Variants in MICAL3 observed in about 807,000 individuals in gnomAD.
MICAL3 encodes microtubule associated monooxygenase, calponin and LIM domain containing 3, also known as [F-actin]-monooxygenase MICAL3.
MICAL3 carries 62 observed loss-of-function variants against 207.4 expected under a neutral mutation model. The ratio of observed to expected loss-of-function variants is 0.30; its 90% CI spans 0.24 to 0.37. MICAL3 has a LOEUF of 0.37. Among genes scored for constraint, MICAL3 ranks in the 10% least tolerant of loss-of-function variants. MICAL3 has a pLI of 1.00. For missense variants in MICAL3, 2,368 were observed against 2,635.6 expected (o/e 0.90, Z 2.22); for synonymous variants, 1,077 against 1,069.3 (o/e 1.01, Z -0.14).
chr22:17,931,433 T>C, intron 1 of MICAL3, among the ~76,000 whole-genome samples: 1 of 152,216 alleles, frequency 6.6e-6, no homozygotes, highest in East Asian at 1.9e-4. Flanking sequence ...ACACCACTGC[T>C]TGGCATCAGA....
At chr22:17,952,643 T>A (rs749028205) in intron 1 of MICAL3, among the ~76,000 whole-genome samples, 4 of 152,200 alleles carry the variant, frequency 2.6e-5, no homozygotes, top group Non-Finnish European at 4.4e-5. Context: ...TCATAAGCCA[T>A]CTGAGCTCCC....
At chr22:17,981,677 G>A (rs1935914873) in intron 1 of MICAL3, among the ~76,000 whole-genome samples, 1 of 152,184 alleles carries the variant, frequency 6.6e-6, no homozygotes, top group South Asian at 2.1e-4. Flanking sequence ...CGCATGCACA[G>A]CACTACCTGG....
rs558669151 is a variant in MICAL3 at position 17,957,990 on chromosome 22, C to T, written c.-74-51104G>A. Among the ~76,000 whole-genome samples the T allele has an allele frequency of 8.5e-4, 130 of 152,180 alleles. 1 individual carries two copies. Among genetic ancestry groups the T allele is most frequent in the African/African-American group, 3.0e-3 (126 of 41,528 alleles). ...TGGAGTTAGACCAAGGAAGATTCAT[C>T]CCAAAAAACCTAAAAATTCCACATT... On this transcript the variant is annotated intron_variant, in intron 1 of 31. Coordinates refer to ENST00000441493, the MANE Select transcript of MICAL3 (RefSeq NM_015241.3).
chr22:17,941,657 G>A (rs1933812416), intron 1 of MICAL3, among the ~76,000 whole-genome samples: 1 of 152,242 alleles, frequency 6.6e-6, no homozygotes, highest in African/African-American at 2.4e-5. Context: ...TGGGATACAG[G>A]AACTGAGAAG....
intron 19 of MICAL3, among the ~76,000 whole-genome samples, chr22:17,849,900 C>T (rs1925110714): frequency 6.6e-6 from 1 of 151,716 alleles, no homozygotes; most frequent in South Asian, 2.1e-4. Context: ...ACTATGTTGG[C>T]CAGGCTGGTC....
chr22:17,820,856 G>A (rs1024534586), intron 25 of MICAL3, among the ~76,000 whole-genome samples: 26 of 126,838 alleles, frequency 2.0e-4, no homozygotes, highest in African/African-American at 7.5e-4. Context: ...AAATAAATTT[G>A]TTCTAATAAA....
chr22:17,826,350 G>T, intron 22 of MICAL3: 1 of 605,394 alleles, frequency 1.7e-6, no homozygotes, highest in Non-Finnish European at 2.1e-6. Context: ...TGCCGCCCTG[G>T]CATGCACTTG....
chr22:17,967,463 AACAC>A lies in MICAL3; in HGVS notation c.-75+56814_-75+56817del, dbSNP rs71184751. 1.6e-3 allele frequency among the ~76,000 whole-genome samples: 198 copies of A among 126,134 alleles called. 1 individual carries two copies. The highest frequency in any genetic ancestry group is 2.4e-3 in the Non-Finnish European group (135 of 56,944). 82.7% of individuals were successfully genotyped at this position (126,134 alleles called of 152,430 possible). A position where few individuals can be genotyped will look rare whatever the true frequency, so the allele number is the denominator to read the frequency against. On this transcript the variant is annotated intron_variant, in intron 1 of 31. Transcript: ENST00000441493. ...TTGGCCACTGGGCAGTGTACATGCA[AACAC>A]ACACACACACACACACACACACACA...
intron 12 of MICAL3, among the ~76,000 whole-genome samples, chr22:17,889,607 G>C (rs1930228863): frequency 6.6e-6 from 1 of 152,096 alleles, no homozygotes; most frequent in Admixed American, 6.5e-5. Flanking sequence ...CAGGAGAATT[G>C]CTTGAGCCCA....
At chr22:17,893,309 G>A (rs1366344832) in intron 11 of MICAL3, among the ~76,000 whole-genome samples, 2 of 152,124 alleles carry the variant, frequency 1.3e-5, no homozygotes, top group Non-Finnish European at 2.9e-5. Flanking sequence ...CTGACCAGGT[G>A]TACTCATGTC....
intron 1 of MICAL3, among the ~76,000 whole-genome samples, chr22:18,016,723 G>A (rs1415053252): frequency 1.8e-4 from 28 of 152,198 alleles, no homozygotes; most frequent in South Asian, 8.3e-4. Context: ...GGCGGATCAC[G>A]AGGTCAGGAG....
chr22:17,863,523 C>T, intron 19 of MICAL3: 6 of 985,386 alleles, frequency 6.1e-6, no homozygotes, highest in Non-Finnish European at 7.2e-6. Context: ...TAAAGATCTT[C>T]AAGATTGTAG....
At position 17,887,179 on chromosome 22, in the gene MICAL3, T is replaced by C. The variant is rs375324053; in HGVS notation, c.2058A>G (p.Gln686=). 327 of 1,613,472 alleles carry C rather than the reference T, an allele frequency of 2.0e-4. No individual in the cohort carries two copies. Among genetic ancestry groups the C allele is most frequent in the Non-Finnish European group, 2.6e-4 (312 of 1,179,658 alleles). ...DGAGKRRKTS[Q]SEEEEAPRGH... ...CCCAAGTGAATCTCACCTCCTCTGA[T>C]TGACTGGTCTTTCTCCTCTTCCCAG... The change falls in exon 15 of 32, where the codon CAA becomes CAG. Residue 686 remains glutamine, a synonymous_variant. Transcript: ENST00000441493.
chr22:17,887,649 A>G (rs1420480298), intron 13 of MICAL3, among the ~76,000 whole-genome samples: 4 of 152,262 alleles, frequency 2.6e-5, no homozygotes, highest in Middle Eastern at 3.2e-3. Context: ...TCATCCACAT[A>G]AACAAAAATG....
chr22:17,879,407 T>C, intron 16 of MICAL3: 2 of 1,610,706 alleles, frequency 1.2e-6, no homozygotes, highest in Non-Finnish European at 1.7e-6. Context: ...GTATGTCTGT[T>C]GGCAACAAAG....
chr22:17,953,886 A>C (rs932190364), intron 1 of MICAL3, among the ~76,000 whole-genome samples: 11 of 142,584 alleles, frequency 7.7e-5, no homozygotes, highest in African/African-American at 1.8e-4. Flanking sequence ...AGCCGAGATC[A>C]CACCACTGCA....
chr22:17,906,204 C>T (rs76365391), intron 2 of MICAL3, among the ~76,000 whole-genome samples: 2,842 of 152,268 alleles, frequency 0.019, 80 homozygotes, highest in African/African-American at 0.059. Flanking sequence ...AAACTTTGAA[C>T]GCTCAATATG....
At chr22:17,845,235 CAACT>C (rs963376973) in intron 19 of MICAL3, among the ~76,000 whole-genome samples, 1 of 152,116 alleles carries the variant, frequency 6.6e-6, no homozygotes, top group Non-Finnish European at 1.5e-5. Flanking sequence ...GGGAAACAAA[CAACT>C]AACAGCCATC....
chr22:17,817,222 G>C, intron 26 of MICAL3, 89 bp downstream of exon 26: 2 of 1,428,060 alleles, frequency 1.4e-6, no homozygotes, highest in Non-Finnish European at 1.9e-6. Flanking sequence ...CGGGGAGCGT[G>C]TGAGTGTGGA....
Sources: gnomAD v4.1 joint callset for allele counts (sites outside exome capture counted in the v4.1 genomes callset) on GRCh38, gnomAD v4.1.1 for gene constraint, MANE v1.5 for transcripts, NCBI Gene and HGNC (gene_info 2026-07-23, HGNC 2026-07-21) for gene names.